MRPL48: variants seen among roughly 807,000 people sequenced by gnomAD.
MRPL48 encodes mitochondrial ribosomal protein L48, also known as large ribosomal subunit protein mL48.
A neutral mutation model predicts 32.9 loss-of-function variants in MRPL48; 16 were observed. The observed-to-expected ratio is 0.49, with a 90% confidence interval of 0.33 to 0.74. MRPL48 has a LOEUF of 0.74. MRPL48 is among the 30% of genes least tolerant of loss of function. MRPL48 has a pLI of 0.02. For synonymous variants in MRPL48, 94 were observed against 89.2 expected (o/e 1.05, Z -0.31); for missense variants, 206 against 245.3 (o/e 0.84, Z 1.07).
At chr11:73,800,042 T>A (rs920454195) in intron 1 of MRPL48, among the ~76,000 whole-genome samples, 1 of 152,094 alleles carries the variant, frequency 6.6e-6, no homozygotes, top group Admixed American at 6.6e-5. Context: ...TACATAAACT[T>A]TTTTTTCCTG....
intron 1 of MRPL48, among the ~76,000 whole-genome samples, chr11:73,796,541 C>T (rs1947256778): frequency 6.6e-6 from 1 of 152,242 alleles, no homozygotes; most frequent in Non-Finnish European, 1.5e-5. Context: ...CTGCCCGTGC[C>T]CCTTGGCACC....
chr11:73,839,122 A>G (rs79440458), intron 4 of MRPL48, among the ~76,000 whole-genome samples: 1 of 152,204 alleles, frequency 6.6e-6, no homozygotes, highest in Non-Finnish European at 1.5e-5. Context: ...TCAGTTCTCA[A>G]AACATTCCTG....
At chr11:73,861,508 T>A (rs1189983088) in intron 6 of MRPL48, among the ~76,000 whole-genome samples, 4 of 152,166 alleles carry the variant, frequency 2.6e-5, no homozygotes, top group Non-Finnish European at 5.9e-5. Context: ...TAGCTGGGAT[T>A]ACAGGCATGC....
chr11:73,812,588 C>G (rs879538712), intron 3 of MRPL48, among the ~76,000 whole-genome samples: 33 of 151,818 alleles, frequency 2.2e-4, no homozygotes, highest in Middle Eastern at 3.2e-3. Flanking sequence ...GTAGTCCCAG[C>G]TACATGGAAA....
At chr11:73,862,438 C>T (rs1191955851) in intron 6 of MRPL48, among the ~76,000 whole-genome samples, 2 of 150,662 alleles carry the variant, frequency 1.3e-5, no homozygotes, top group Non-Finnish European at 3.0e-5. Flanking sequence ...CAAAACAAAA[C>T]AAAAATAAAA....
At chr11:73,852,260 T>C (rs949741914) in intron 5 of MRPL48, among the ~76,000 whole-genome samples, 3 of 152,148 alleles carry the variant, frequency 2.0e-5, no homozygotes, top group African/African-American at 4.8e-5. Context: ...AGCTTGTCTA[T>C]GGACTACACT....
intron 5 of MRPL48, among the ~76,000 whole-genome samples, chr11:73,849,022 A>G (rs996677713): frequency 2.1e-4 from 32 of 152,000 alleles, no homozygotes; most frequent in African/African-American, 5.1e-4. Flanking sequence ...GGGGTTTGCC[A>G]TGTTGCCCAG....
rs545175914 is a variant in MRPL48 at position 73,845,499 on chromosome 11, G to A, written c.371+523G>A. Among the ~76,000 whole-genome samples the A allele has an allele frequency of 3.4e-4, 52 of 152,286 alleles. 1 individual carries two copies. In the South Asian group the frequency reaches 7.9e-3, roughly 23 times the overall value. On this transcript the variant is annotated intron_variant, in intron 5 of 7. Coordinates refer to ENST00000310614, the MANE Select transcript of MRPL48 (RefSeq NM_016055.6). ...TATAAAAATGAAACTCTAGCTGGGC[G>A]CAGTGGCTCACACCTGTAATCCCAG...
intron 7 of MRPL48, among the ~76,000 whole-genome samples, 156 bp downstream of exon 7, chr11:73,863,417 G>C (rs1397709247): frequency 6.6e-6 from 1 of 152,166 alleles, no homozygotes; most frequent in Non-Finnish European, 1.5e-5. Flanking sequence ...ATGACACTGT[G>C]ATCATTAGTC....
intron 4 of MRPL48, among the ~76,000 whole-genome samples, chr11:73,834,909 G>T (rs1948068716): frequency 6.6e-6 from 1 of 150,432 alleles, no homozygotes; most frequent in African/African-American, 2.4e-5. Flanking sequence ...ATAGCTCACT[G>T]CAACCTCAAA....
At position 73,844,843 on chromosome 11, in the gene MRPL48, A is replaced by G; in HGVS notation, c.238A>G (p.Ile80Val). The change falls in exon 5 of 8, where the codon ATT becomes GTT. Residue 80 changes from isoleucine to valine, a missense_variant. Ile to Val is a conservative substitution (Grantham distance 29, BLOSUM62 3). Transcript: ENST00000310614. ...GAAGGGAAAAGTGGAAGTGAGAGCC[A>G]TTAATTTGGGGACAGATTATGAATA... ...KKKGKVEVRAINLGTDYEYGV... is the reference protein window; with the variant it reads ...KKKGKVEVRAVNLGTDYEYGV... 1 of 1,613,706 alleles carries G rather than the reference A, an allele frequency of 6.2e-7. No homozygotes were observed. Among genetic ancestry groups the G allele is most frequent in the Non-Finnish European group, 8.5e-7 (1 of 1,179,812 alleles).
intron 1 of MRPL48, among the ~76,000 whole-genome samples, chr11:73,801,339 C>G (rs1947360111): frequency 6.6e-6 from 1 of 152,092 alleles, no homozygotes; most frequent in South Asian, 2.1e-4. Context: ...ACTTTAGAGT[C>G]CTCTGATCTA....
intron 4 of MRPL48, among the ~76,000 whole-genome samples, chr11:73,828,033 C>T (rs1005530660): frequency 3.3e-5 from 5 of 151,926 alleles, no homozygotes; most frequent in East Asian, 1.9e-4. Context: ...TGAATTTTTC[C>T]GGGAAGAGAG....
intron 1 of MRPL48, among the ~76,000 whole-genome samples, chr11:73,789,926 C>T (rs568939341): frequency 2.6e-5 from 4 of 152,180 alleles, no homozygotes; most frequent in South Asian, 4.1e-4. Flanking sequence ...GACAGGGTCT[C>T]ACTTTGTCAC....
intron 1 of MRPL48, among the ~76,000 whole-genome samples, chr11:73,796,195 C>T (rs1947251215): frequency 6.6e-6 from 1 of 152,216 alleles, no homozygotes; most frequent in African/African-American, 2.4e-5. Context: ...CAAGCAGGAG[C>T]TCCGCTCTTC....
intron 1 of MRPL48, among the ~76,000 whole-genome samples, chr11:73,796,236 C>G (rs1214059712): frequency 2.0e-5 from 3 of 152,246 alleles, no homozygotes; most frequent in Non-Finnish European, 4.4e-5. Context: ...CAAACTGTGA[C>G]TGCGGACCCA....
In MRPL48 at chr11:73,864,609, G is replaced by T; in HGVS notation, c.*239G>T. ...AAAAATCTGCTGCAGATGTGTATAT[G>T]TATGTGTGTGTGAGAGAGAGAAATT... On this transcript the variant is annotated 3_prime_UTR_variant, in exon 8 of 8. Coordinates refer to ENST00000310614, the MANE Select transcript of MRPL48 (RefSeq NM_016055.6). The T allele has an allele frequency of 1.9e-6, 1 of 534,168 alleles. No individual in the cohort carries two copies. Among genetic ancestry groups the T allele is most frequent in the South Asian group, 2.4e-5 (1 of 41,576 alleles). The allele number at this position is 534,168 out of a possible 1,614,324, so 33.1% of individuals were successfully genotyped here. A position where few individuals can be genotyped will look rare whatever the true frequency, so the allele number is the denominator to read the frequency against.
At chr11:73,791,528 C>A (rs529020783) in intron 1 of MRPL48, among the ~76,000 whole-genome samples, 1 of 152,054 alleles carries the variant, frequency 6.6e-6, no homozygotes, top group African/African-American at 2.4e-5. Context: ...GCGATCCTCT[C>A]GCCTTAGCCT....
At chr11:73,818,291 G>A (rs1947712285) in intron 3 of MRPL48, among the ~76,000 whole-genome samples, 1 of 152,026 alleles carries the variant, frequency 6.6e-6, no homozygotes, top group African/African-American at 2.4e-5. Flanking sequence ...TTTTCTTATT[G>A]ATTTAAAAAT....
Sources: gnomAD v4.1 joint callset for allele counts (sites outside exome capture counted in the v4.1 genomes callset) on GRCh38, gnomAD v4.1.1 for gene constraint, MANE v1.5 for transcripts, NCBI Gene and HGNC (gene_info 2026-07-23, HGNC 2026-07-21) for gene names.